The following PRPF8 variants were observed in gnomAD, a reference collection of about 807,000 sequenced individuals.
PRPF8 encodes the protein pre-mRNA processing factor 8.
Under a neutral mutation model 285.9 loss-of-function variants are expected in PRPF8, and 64 were observed. The ratio of observed to expected loss-of-function variants is 0.22; its 90% CI spans 0.18 to 0.28. The LOEUF (loss-of-function observed/expected upper bound fraction) is 0.28. Ranked by LOEUF, PRPF8 falls within the 10% of genes least tolerant of loss-of-function variation. The pLI, the probability that PRPF8 is intolerant of heterozygous loss-of-function variation, is 1.00. For missense variants in PRPF8, 1,426 were observed against 3,026.7 expected (o/e 0.47, Z 12.41); for synonymous variants, 1,325 against 1,118.2 (o/e 1.18, Z -3.69).
At chr17:1,671,438 G>T (rs1912309138) in intron 24 of PRPF8, among the ~76,000 whole-genome samples, 1 of 152,126 alleles carries the variant, frequency 6.6e-6, no homozygotes, top group South Asian at 2.1e-4. Context: ...ATATTTCAAG[G>T]CTGGGCACGG....
At chr17:1,666,919 A>C (rs1389077753) in intron 24 of PRPF8, among the ~76,000 whole-genome samples, 1 of 152,146 alleles carries the variant, frequency 6.6e-6, no homozygotes, top group East Asian at 1.9e-4. Flanking sequence ...TCATGCCTGT[A>C]ATCCCAGCAC....
In PRPF8 at chr17:1,653,502, T is replaced by G; in HGVS notation, c.6369+40A>C. ...GTCTGAGTTTTAGGCACAAAATGAG[T>G]TGGGCACACACTGTGGCCTAGCTGA... is the stretch of plus-strand genomic sequence containing the variant. On this transcript the variant is annotated intron_variant, in intron 39 of 42. Coordinates refer to ENST00000304992, the MANE Select transcript of PRPF8 (RefSeq NM_006445.4). This position sits in a 1 kb window ranked among gnomAD's most constrained non-coding sequence, Gnocchi z 4.9. The G allele has an allele frequency of 6.2e-7, 1 of 1,613,824 alleles. No homozygotes were observed. The highest frequency in any genetic ancestry group is 1.6e-4 in the Middle Eastern group (1 of 6,062).
Position 1,675,932 on chromosome 17 carries a change from T to C in PRPF8, c.2675A>G (p.Lys892Arg), listed in dbSNP as rs749234245. Residue 892 changes from lysine (K) to arginine (R), a missense_variant, in exon 18 of 43, where the codon AAA becomes AGA. Lys to Arg is a conservative substitution (Grantham distance 26). Coordinates refer to ENST00000304992, the MANE Select transcript of PRPF8 (RefSeq NM_006445.4). The surrounding 1 kb of genome is among the most constrained non-coding windows in gnomAD (Gnocchi z 6.0). ...KRHLLTQRAF[K>R]EVGIEFMDLY... is the part of the protein sequence containing the mutation. ...AACTTGGGAGGCCTCACTCACCTCTTTGAAGGCTCTCTGTGTGAGGAGGTG... is the reference window on the plus strand; with the variant it reads ...AACTTGGGAGGCCTCACTCACCTCTCTGAAGGCTCTCTGTGTGAGGAGGTG... 2.5e-6 allele frequency: 4 copies of C among 1,614,112 alleles called. No homozygotes were observed. The highest frequency in any genetic ancestry group is 1.1e-5 in the South Asian group (1 of 91,070).
At chr17:1,664,145 C>G (rs1459457697) in intron 24 of PRPF8, among the ~76,000 whole-genome samples, 1 of 152,152 alleles carries the variant, frequency 6.6e-6, no homozygotes, top group Non-Finnish European at 1.5e-5. Context: ...ACTCTCCCGC[C>G]TCAGCCTCCC....
At chr17:1,678,411 A>C in intron 13 of PRPF8, 107 bp downstream of exon 13, 3 of 1,399,102 alleles carry the variant, frequency 2.1e-6, no homozygotes, top group Admixed American at 1.7e-5. Context: ...TGAACTCAGG[A>C]GGCGGAGGTT....
rs1173260801 is a variant in PRPF8, at chr17:1,659,048, T to TG, written c.5139-286dup. On this transcript the variant is annotated intron_variant, in intron 32 of 42. Coordinates refer to ENST00000304992, the MANE Select transcript of PRPF8 (RefSeq NM_006445.4). The surrounding 1 kb of genome is among the most constrained non-coding windows in gnomAD (Gnocchi z 5.1). ...TTATTATTATTATTTTTCTTTGAGA[T>TG]GGAGTCTCACTCTGTCGCCCAGGCT... 4.5e-5 allele frequency: 23 copies of TG among 508,714 alleles called. No homozygotes were observed. The Middle Eastern group carries it at 1.5e-3, about 34-fold the overall frequency. The allele number at this position is 508,714 out of a possible 1,614,324, so 31.5% of individuals were successfully genotyped here. A position where few individuals can be genotyped will look rare whatever the true frequency, so the allele number is the denominator to read the frequency against.
chr17:1,679,914 T>G lies in PRPF8; in HGVS notation c.1099-115A>C. ...CCTGTATCTGCTATGGAAACTGGGC[T>G]GTCTGACAAAAGCAGCCCTGAAGTG... On this transcript the variant is annotated intron_variant, in intron 8 of 42. Coordinates refer to ENST00000304992, the MANE Select transcript of PRPF8 (RefSeq NM_006445.4). The surrounding 1 kb of genome is among the most constrained non-coding windows in gnomAD (Gnocchi z 4.7). 1 of 1,288,096 alleles carries G rather than the reference T, an allele frequency of 7.8e-7. No homozygotes were observed. Among genetic ancestry groups the G allele is most frequent in the South Asian group, 1.2e-5 (1 of 84,096 alleles). The allele number at this position is 1,288,096 out of a possible 1,614,324, so 79.8% of individuals were successfully genotyped here.
intron 3 of PRPF8, 91 bp downstream of exon 3, chr17:1,683,442 T>C: frequency 2.2e-6 from 3 of 1,383,400 alleles, no homozygotes; most frequent in South Asian, 1.2e-5. Context: ...TCCACCAAGA[T>C]GAGCTGTCAA....
intron 24 of PRPF8, among the ~76,000 whole-genome samples, chr17:1,670,976 C>G (rs1249528867): frequency 6.6e-6 from 1 of 152,022 alleles, no homozygotes. Flanking sequence ...CAAAGTCACT[C>G]TGTGCTTAAG....
At chr17:1,654,135 A>G (rs1911222857) in intron 37 of PRPF8, 119 bp from the exon 38 acceptor site, 1 of 1,446,068 alleles carries the variant, frequency 6.9e-7, no homozygotes, top group Admixed American at 1.7e-5. Context: ...CAGACAATCC[A>G]CAAGAGCTGC....
At chr17:1,657,712 G>A (rs1386423274) in intron 34 of PRPF8, among the ~76,000 whole-genome samples, 7 of 136,402 alleles carry the variant, frequency 5.1e-5, no homozygotes, top group South Asian at 4.3e-4. Context: ...CCTGTAATCC[G>A]AGCACTTTGG....
intron 1 of PRPF8, 73 bp from the exon 2 acceptor site, chr17:1,684,655 C>G: frequency 7.2e-7 from 1 of 1,383,430 alleles, no homozygotes; most frequent in South Asian, 1.2e-5. Flanking sequence ...AGAAAGGCGT[C>G]CGGGGACCCC....
chr17:1,674,424 AT>A lies in PRPF8; in HGVS notation c.3299+17del. 6.2e-7 allele frequency: 1 copy of A among 1,610,604 alleles called. No homozygotes were observed. Among genetic ancestry groups the A allele is most frequent in the East Asian group, 2.2e-5 (1 of 44,874 alleles). ...GCCTCAGTACCCTGCAAGGCTAGGA[AT>A]CCAGGAAAGCCCTCACCTGAAAAAA... On this transcript the variant is annotated intron_variant, in intron 21 of 42. Coordinates refer to ENST00000304992, the MANE Select transcript of PRPF8 (RefSeq NM_006445.4).
Position 1,661,765 on chromosome 17 carries a change from T to G in PRPF8, c.4048A>C (p.Ile1350Leu). ...CTCATTCCTGAACGAAAGTGTGTGA[T>G]ACCTACATCTGTCTGTTTGGACCAC... ...LRWSKQTDVG[I>L]THFRSGMSHE... The change falls in exon 26 of 43, where the codon ATC becomes CTC. Residue 1350 changes from isoleucine to leucine, a missense_variant. Around this residue, in one of 34 missense-constraint regions of PRPF8, gnomAD observed 16 missense variants for 16.3 expected, o/e 0.98. Transcript: ENST00000304992. This position sits in a 1 kb window ranked among gnomAD's most constrained non-coding sequence, Gnocchi z 7.3. The G allele has an allele frequency of 6.2e-7, 1 of 1,614,224 alleles. No individual in the cohort carries two copies. The highest frequency in any genetic ancestry group is 8.5e-7 in the Non-Finnish European group (1 of 1,180,050).
rs754219198 is a variant in PRPF8 at position 1,656,422 on chromosome 17, G to A, written c.5763C>T (p.Asp1921=). 1.1e-4 allele frequency: 174 copies of A among 1,614,038 alleles called. No individual in the cohort carries two copies. The highest frequency in any genetic ancestry group is 1.6e-4 in the Middle Eastern group (1 of 6,084). Residue 1921 remains aspartate (D), a synonymous_variant, in exon 36 of 43, where the codon GAC becomes GAT. Transcript: ENST00000304992. ...AAGATGAAATAGTCTTGAGCCAGTC[G>A]TCATAGAGGTTGAAGAGAACCATCT... The part of the protein sequence containing the change: ...EPQMVLFNLY[D]DWLKTISSYT...
Position 1,675,233 on chromosome 17 carries a change from G to A in PRPF8, c.2979C>T (p.Leu993=), listed in dbSNP as rs769875742. Residue 993 remains leucine, a synonymous_variant, in exon 20 of 43, where the codon CTC becomes CTT. Transcript: ENST00000304992. This position sits in a 1 kb window ranked among gnomAD's most constrained non-coding sequence, Gnocchi z 6.0. Reference sequence around the variant, plus strand: ...CCACGATGAGGCGCAGCAGCCTGTTGAGCAGAGTCAAGTCGATCTTCTCAT... The same window carrying A: ...CCACGATGAGGCGCAGCAGCCTGTTAAGCAGAGTCAAGTCGATCTTCTCAT... ...KMYEKIDLTL[L]NRLLRLIVDH... 7 of 1,614,214 alleles carry A rather than the reference G, an allele frequency of 4.3e-6. No individual in the cohort carries two copies. Among genetic ancestry groups the A allele is most frequent in the Non-Finnish European group, 5.1e-6 (6 of 1,180,046 alleles).
intron 39 of PRPF8, among the ~76,000 whole-genome samples, chr17:1,652,553 TTC>T (rs1295744726): frequency 1.3e-5 from 2 of 152,126 alleles, no homozygotes; most frequent in Non-Finnish European, 2.9e-5. Flanking sequence ...TATGCATCTT[TTC>T]TCTTTTTTGA....
Position 1,681,560 on chromosome 17 carries a change from C to T in PRPF8, c.784G>A (p.Ala262Thr). Reference sequence around the variant, plus strand: ...TTGAGTGCCTTGGACGTAAAGAAGGCCTTCAAATCAAACAGGTAGAAGTAG... The same window carrying T: ...TTGAGTGCCTTGGACGTAAAGAAGGTCTTCAAATCAAACAGGTAGAAGTAG... ...DNYFYLFDLK[A>T]FFTSKALNMA... The change falls in exon 6 of 43, where the codon GCC becomes ACC. Residue 262 changes from alanine to threonine, a missense_variant. Coordinates refer to ENST00000304992, the MANE Select transcript of PRPF8 (RefSeq NM_006445.4). 2 of 1,613,824 alleles carry T rather than the reference C, an allele frequency of 1.2e-6. No individual in the cohort carries two copies. Among genetic ancestry groups the T allele is most frequent in the Non-Finnish European group, 1.7e-6 (2 of 1,179,772 alleles).
rs1567673479 is a variant in PRPF8 at position 1,650,788 on chromosome 17, A to T, written c.*14T>A. Reference sequence around the variant, plus strand: ...TTCGGCCTCGGGAGGCTGAAGCAGGAGGCAGGGAAACGGTCAGGCATACAG... The same window carrying T: ...TTCGGCCTCGGGAGGCTGAAGCAGGTGGCAGGGAAACGGTCAGGCATACAG... On this transcript the variant is annotated 3_prime_UTR_variant, in exon 43 of 43. Coordinates refer to ENST00000304992, the MANE Select transcript of PRPF8 (RefSeq NM_006445.4). 1 of 1,613,652 alleles carries T rather than the reference A, an allele frequency of 6.2e-7. No homozygotes were observed. The highest frequency in any genetic ancestry group is 2.2e-5 in the East Asian group (1 of 44,880).
Sources: allele counts gnomAD v4.1 joint callset (sites outside exome capture counted in the v4.1 genomes callset), GRCh38; gene constraint gnomAD v4.1.1; regional missense constraint gnomAD v4.1.1; non-coding constraint Gnocchi (gnomAD v3.1); transcripts MANE v1.5; gene names NCBI Gene and HGNC (gene_info 2026-07-23, HGNC 2026-07-21).